Variants in MRC1 observed in about 807,000 individuals in gnomAD.
MRC1 encodes macrophage mannose receptor 1.
In MRC1, 62 loss-of-function variants were observed where a neutral mutation model predicts 102.9. The ratio of observed to expected loss-of-function variants is 0.60; its 90% CI spans 0.49 to 0.74. The LOEUF (loss-of-function observed/expected upper bound fraction) is 0.74. Among genes scored for constraint, MRC1 ranks in the 30% least tolerant of loss-of-function variants. The pLI is 0.00. For missense variants in MRC1, 1,237 were observed against 862.8 expected, an observed-to-expected ratio of 1.43 and a Z score of -5.43; for synonymous variants, 457 against 298.4, an observed-to-expected ratio of 1.53 and a Z score of -5.48.
rs782105071 is a variant in MRC1 at position 17,823,235 on chromosome 10, C to T, written c.223C>T (p.Leu75=). 1.3e-6 allele frequency: 1 copy of T among 780,786 alleles called. No homozygotes were observed. Among genetic ancestry groups the T allele is most frequent in the Non-Finnish European group, 2.4e-6 (1 of 417,950 alleles). The allele number at this position is 780,786 out of a possible 1,614,324, so 48.4% of individuals were successfully genotyped here. ...QIMSVAFKLC[L]GVPSKTDWVA... is the part of the protein sequence containing the mutation. The stretch of plus-strand genomic sequence containing the variant: ...TATGAGTGTTGCATTTAAATTATGC[C>T]TGGGAGTGCCATCAAAAACGGACTG... Residue 75 remains leucine, a synonymous_variant, in exon 2 of 30, where the codon CTG becomes TTG. Coordinates refer to ENST00000569591, the MANE Select transcript of MRC1 (RefSeq NM_002438.4).
At chr10:17,828,199 C>G (rs1218715051) in intron 3 of MRC1, among the ~76,000 whole-genome samples, 2 of 152,174 alleles carry the variant, frequency 1.3e-5, no homozygotes, top group Non-Finnish European at 2.9e-5. Context: ...GCCTCAGCCT[C>G]CCGAGTAGCT....
chr10:17,900,909 C>T lies in MRC1; in HGVS notation c.3605C>T (p.Ala1202Val), dbSNP rs1460217002. 15 of 780,558 alleles carry T rather than the reference C, an allele frequency of 1.9e-5. No individual in the cohort carries two copies. Among genetic ancestry groups the T allele is most frequent in the Non-Finnish European group, 3.6e-5 (15 of 417,922 alleles). 48.4% of individuals were successfully genotyped at this position (780,558 alleles called of 1,614,324 possible). ...GATCTTGATGGCTACTGGAAGACAG[C>T]ACATTGCAATGAAAGTTTTTACTTT... is the stretch of plus-strand genomic sequence containing the variant. The part of the protein sequence containing the change: ...YLDLDGYWKT[A>V]HCNESFYFLC... Residue 1202 changes from alanine (A) to valine (V), a missense_variant, in exon 25 of 30, where the codon GCA becomes GTA. Physicochemically the swap from Ala to Val is moderately conservative, Grantham distance 64. Transcript: ENST00000569591.
intron 12 of MRC1, among the ~76,000 whole-genome samples, chr10:17,868,485 AATGTGGGGATTACAGGTCCCTCCTTCAAC>A (rs1420334236): frequency 9.2e-5 from 14 of 152,300 alleles, no homozygotes; most frequent in African/African-American, 3.4e-4. Context: ...TCCCTCCCTC[AATGTGGGGATTACAGGTCCCTCCTTCAAC>A]ATGTGGGGAT....
At chr10:17,907,282 A>G (rs1833908156) in intron 27 of MRC1, among the ~76,000 whole-genome samples, 2 of 152,206 alleles carry the variant, frequency 1.3e-5, no homozygotes, top group Non-Finnish European at 2.9e-5. Context: ...AATGCTAAGG[A>G]AAGGATAAGT....
At chr10:17,836,088 A>T (rs1422708865) in intron 4 of MRC1, among the ~76,000 whole-genome samples, 1 of 152,114 alleles carries the variant, frequency 6.6e-6, no homozygotes, top group Non-Finnish European at 1.5e-5. Flanking sequence ...TGCTTTGGTG[A>T]CCTTGTCTGT....
intron 1 of MRC1, among the ~76,000 whole-genome samples, chr10:17,822,382 G>C (rs546478472): frequency 6.6e-6 from 1 of 152,148 alleles, no homozygotes; most frequent in African/African-American, 2.4e-5. Flanking sequence ...CTAGTACTTT[G>C]AGAGGCTGAA....
At chr10:17,823,555 T>G in intron 2 of MRC1, 80 bp downstream of exon 2, 1 of 774,806 alleles carries the variant, frequency 1.3e-6, no homozygotes, top group East Asian at 2.4e-5. Flanking sequence ...AAAATCATCA[T>G]GTTCTTGTTT....
At chr10:17,847,893 C>G (rs1204077796) in intron 6 of MRC1, among the ~76,000 whole-genome samples, 3 of 150,556 alleles carry the variant, frequency 2.0e-5, no homozygotes, top group African/African-American at 7.3e-5. Flanking sequence ...GGCTCCAAAG[C>G]TGTACTAAGC....
intron 12 of MRC1, among the ~76,000 whole-genome samples, chr10:17,868,757 T>G (rs1007920865): frequency 3.3e-5 from 5 of 152,312 alleles, no homozygotes; most frequent in Admixed American, 2.6e-4. Context: ...TATGGATAAT[T>G]GAGCTGGTCA....
chr10:17,906,711 A>AG (rs1833900739), intron 26 of MRC1, among the ~76,000 whole-genome samples, 175 bp from the exon 27 acceptor site: 1 of 152,176 alleles, frequency 6.6e-6, no homozygotes, highest in South Asian at 2.1e-4. Context: ...TTAAAAACGT[A>AG]TTTCAGAATG....
At chr10:17,865,726 C>G (rs1833257272) in intron 11 of MRC1, among the ~76,000 whole-genome samples, 1 of 152,138 alleles carries the variant, frequency 6.6e-6, no homozygotes, top group Non-Finnish European at 1.5e-5. Flanking sequence ...GGTTTTAACT[C>G]AGTGCTACAA....
chr10:17,907,838 C>T (rs893752200), intron 28 of MRC1, 140 bp downstream of exon 28: 13 of 708,212 alleles, frequency 1.8e-5, no homozygotes, highest in Admixed American at 4.0e-5. Context: ...TCCATTCTGC[C>T]GTTGTAGTTC....
chr10:17,900,149 G>A (rs1422008125), intron 24 of MRC1, among the ~76,000 whole-genome samples: 2 of 147,354 alleles, frequency 1.4e-5, no homozygotes, highest in Non-Finnish European at 3.0e-5. Flanking sequence ...AGACTAAAAT[G>A]ACTGGCTTTT....
At position 17,809,399 on chromosome 10, in the gene MRC1, C is replaced by T. The variant is rs1280133696; in HGVS notation, c.-67C>T. 3.5e-6 allele frequency: 3 copies of T among 865,050 alleles called. No homozygotes were observed. The highest frequency in any genetic ancestry group is 3.4e-5 in the Admixed American group (2 of 59,132). 53.6% of individuals were successfully genotyped at this position (865,050 alleles called of 1,614,324 possible). ...TTAGGTGGAGAGGCAGTTGGGGGGC[C>T]TCGTTGTTTTGCGTCTTAGTTCCGC... On this transcript the variant is annotated 5_prime_UTR_variant, in exon 1 of 30. Coordinates refer to ENST00000569591, the MANE Select transcript of MRC1 (RefSeq NM_002438.4).
At chr10:17,852,910 C>A (rs1838938312) in intron 7 of MRC1, 57 bp from the exon 8 acceptor site, 9 of 780,358 alleles carry the variant, frequency 1.2e-5, no homozygotes, top group Non-Finnish European at 1.9e-5. Flanking sequence ...TCCTTTTACC[C>A]CCCGACCTTT....
chr10:17,822,734 C>A (rs1376316360), intron 1 of MRC1, among the ~76,000 whole-genome samples: 1 of 152,190 alleles, frequency 6.6e-6, no homozygotes, highest in Non-Finnish European at 1.5e-5. Context: ...TTATTCCTTT[C>A]TGTTTTCTGC....
intron 18 of MRC1, among the ~76,000 whole-genome samples, chr10:17,878,955 T>C (rs1422407389): frequency 6.6e-6 from 1 of 152,182 alleles, no homozygotes. Context: ...GCTCTCACAG[T>C]CTCTGAATTT....
In MRC1 at chr10:17,871,964, T is replaced by A. The variant is rs1833360701; in HGVS notation, c.2200-18T>A. 1.3e-6 allele frequency: 1 copy of A among 779,812 alleles called. No individual in the cohort carries two copies. Among genetic ancestry groups the A allele is most frequent in the Admixed American group, 1.7e-5 (1 of 58,930 alleles). The allele number at this position is 779,812 out of a possible 1,614,324, so 48.3% of individuals were successfully genotyped here. A position where few individuals can be genotyped will look rare whatever the true frequency, so the allele number is the denominator to read the frequency against. ...GATACAAATGGTTAATGGTTGTAGT[T>A]TAATGTTTCTAATATAGGTTTCATA... On this transcript the variant is annotated intron_variant, in intron 14 of 29. Coordinates refer to ENST00000569591, the MANE Select transcript of MRC1 (RefSeq NM_002438.4).
chr10:17,837,676 T>G (rs1838689442), intron 4 of MRC1, among the ~76,000 whole-genome samples: 1 of 152,032 alleles, frequency 6.6e-6, no homozygotes. Flanking sequence ...TCGCCCGGGC[T>G]GGAGTGCAGT....
Sources: gnomAD v4.1 joint callset for allele counts (sites outside exome capture counted in the v4.1 genomes callset) on GRCh38, gnomAD v4.1.1 for gene constraint, MANE v1.5 for transcripts, NCBI Gene and HGNC (gene_info 2026-07-23, HGNC 2026-07-21) for gene names.